Variants in ANKS1B observed in about 807,000 individuals in gnomAD.
The protein encoded by ANKS1B is ankyrin repeat and sterile alpha motif domain-containing protein 1B.
A neutral mutation model predicts 148.3 loss-of-function variants in ANKS1B; 36 were observed. The ratio of observed to expected loss-of-function variants is 0.24; its 90% CI spans 0.19 to 0.32. The LOEUF (loss-of-function observed/expected upper bound fraction) is 0.32, where lower values mean the gene tolerates loss of function less well. Among genes scored for constraint, ANKS1B ranks in the 10% least tolerant of loss-of-function variants. The pLI is 1.00. For synonymous variants in ANKS1B, 542 were observed against 560.8 expected (o/e 0.97, Z 0.47); for missense variants, 1,157 against 1,542.6 (o/e 0.75, Z 4.19).
chr12:98,895,436 G>A (rs2099762960), intron 17 of ANKS1B: 1 of 421,098 alleles, frequency 2.4e-6, no homozygotes, highest in Non-Finnish European at 3.2e-6. Flanking sequence ...CTGTTACTGC[G>A]GTCGCCGCCG....
chr12:99,443,302 A>G (rs2095581089), intron 11 of ANKS1B, among the ~76,000 whole-genome samples: 1 of 152,000 alleles, frequency 6.6e-6, no homozygotes, highest in East Asian at 1.9e-4. Flanking sequence ...ATAATCACAA[A>G]CCATGCAGCA....
chr12:99,381,637 CCTAA>C lies in ANKS1B; in HGVS notation c.1756+17990_1756+17993del, dbSNP rs1433157265. ...ATTTAGGAAAAGGCAGTTGTGGTGACCTAACTGAGACTTCAGTGCAAGAGTGGAG... is the reference window on the plus strand; with the variant it reads ...ATTTAGGAAAAGGCAGTTGTGGTGACCTGAGACTTCAGTGCAAGAGTGGAG... On this transcript the variant is annotated intron_variant, in intron 12 of 26. Coordinates refer to ENST00000683438, the MANE Select transcript of ANKS1B (RefSeq NM_001352186.2). Among the ~76,000 whole-genome samples the C allele has an allele frequency of 3.3e-5, 5 of 152,194 alleles. No individual in the cohort carries two copies. In the East Asian group the frequency reaches 9.7e-4, roughly 29 times the overall value.
chr12:98,904,895 T>C (rs1270220857), intron 17 of ANKS1B, among the ~76,000 whole-genome samples: 1 of 151,966 alleles, frequency 6.6e-6, no homozygotes, highest in Non-Finnish European at 1.5e-5. Context: ...ACTGTGGAGG[T>C]CTGCAAAGTT....
intron 1 of ANKS1B, among the ~76,000 whole-genome samples, chr12:99,827,258 A>G (rs1362801644): frequency 6.6e-6 from 1 of 152,192 alleles, no homozygotes; most frequent in East Asian, 1.9e-4. Context: ...TATGACATGA[A>G]TGACCCGGGA....
At chr12:99,435,431 A>G (rs888107362) in intron 11 of ANKS1B, among the ~76,000 whole-genome samples, 1 of 152,108 alleles carries the variant, frequency 6.6e-6, no homozygotes, top group African/African-American at 2.4e-5. Flanking sequence ...TCTAAAATCC[A>G]CAGTTGCCAT....
intron 1 of ANKS1B, among the ~76,000 whole-genome samples, chr12:99,914,387 T>C (rs1311872686): frequency 3.3e-5 from 5 of 152,176 alleles, no homozygotes; most frequent in Non-Finnish European, 7.3e-5. Context: ...CAAGCTTATA[T>C]AATAGCTCTA....
intron 9 of ANKS1B, among the ~76,000 whole-genome samples, chr12:99,598,634 C>T (rs1368204115): frequency 6.6e-6 from 1 of 151,974 alleles, no homozygotes; most frequent in Admixed American, 6.6e-5. Flanking sequence ...GACAGAGGGC[C>T]GACTTGCCAG....
chr12:99,148,715 C>T (rs2073991898), intron 15 of ANKS1B, among the ~76,000 whole-genome samples: 2 of 152,158 alleles, frequency 1.3e-5, no homozygotes, highest in South Asian at 4.1e-4. Flanking sequence ...TTGGTTCTAT[C>T]TCACACCACT....
intron 12 of ANKS1B, among the ~76,000 whole-genome samples, chr12:99,298,342 T>C (rs1259954278): frequency 6.6e-6 from 1 of 152,302 alleles, no homozygotes; most frequent in South Asian, 2.1e-4. Context: ...CATACTGTTC[T>C]CATAGTAGTG....
chr12:98,903,474 G>A (rs550209232), intron 17 of ANKS1B, among the ~76,000 whole-genome samples: 142 of 152,302 alleles, frequency 9.3e-4, no homozygotes, highest in African/African-American at 3.3e-3. Flanking sequence ...TTCTGATGAT[G>A]AGCTTGGTAT....
At chr12:99,301,589 A>C (rs2081619116) in intron 12 of ANKS1B, among the ~76,000 whole-genome samples, 1 of 152,190 alleles carries the variant, frequency 6.6e-6, no homozygotes, top group African/African-American at 2.4e-5. Flanking sequence ...TATTAAATGT[A>C]CATAATAGAT....
At chr12:99,706,180 C>G (rs1457412869) in intron 8 of ANKS1B, among the ~76,000 whole-genome samples, 1 of 151,762 alleles carries the variant, frequency 6.6e-6, no homozygotes. Context: ...TGCCATATTC[C>G]ATAGTGGGAT....
At chr12:99,258,817 T>A (rs1318216052) in intron 12 of ANKS1B, among the ~76,000 whole-genome samples, 2 of 152,106 alleles carry the variant, frequency 1.3e-5, no homozygotes, top group African/African-American at 4.8e-5. Flanking sequence ...TGTAAAAAAA[T>A]CAATTATAGT....
intron 17 of ANKS1B, among the ~76,000 whole-genome samples, chr12:99,039,712 T>G (rs989996535): frequency 6.6e-6 from 1 of 152,250 alleles, no homozygotes; most frequent in African/African-American, 2.4e-5. Context: ...TATTATACTT[T>G]AAGTTTTAGG....
At chr12:99,505,644 G>GCA (rs2096703923) in intron 9 of ANKS1B, among the ~76,000 whole-genome samples, 1 of 147,230 alleles carries the variant, frequency 6.8e-6, no homozygotes, top group African/African-American at 2.5e-5. Context: ...ATATATATAT[G>GCA]TATATATATA....
intron 17 of ANKS1B, among the ~76,000 whole-genome samples, chr12:98,928,557 A>G (rs975375218): frequency 2.0e-5 from 3 of 152,092 alleles, no homozygotes; most frequent in Admixed American, 1.3e-4. Context: ...ATCTGAATCC[A>G]GAAACATATT....
chr12:99,348,928 CTCT>C (rs976646298), intron 12 of ANKS1B, among the ~76,000 whole-genome samples: 1 of 151,898 alleles, frequency 6.6e-6, no homozygotes, highest in Non-Finnish European at 1.5e-5. Context: ...TTTGTAACTC[CTCT>C]TCTTTTTCCT....
chr12:99,156,032 C>A (rs2076010749), intron 14 of ANKS1B, among the ~76,000 whole-genome samples: 1 of 152,142 alleles, frequency 6.6e-6, no homozygotes, highest in East Asian at 1.9e-4. Flanking sequence ...ATAGTAAGTG[C>A]CTAATACAAA....
chr12:99,331,960 G>C (rs77902782), intron 12 of ANKS1B, among the ~76,000 whole-genome samples: 2,548 of 152,074 alleles, frequency 0.017, 68 homozygotes, highest in East Asian at 0.084. Flanking sequence ...TTAAATATCA[G>C]TCCCTAACAC....
Sources: gnomAD v4.1 joint callset for allele counts (sites outside exome capture counted in the v4.1 genomes callset) on GRCh38, gnomAD v4.1.1 for gene constraint, MANE v1.5 for transcripts, NCBI Gene and HGNC (gene_info 2026-07-23, HGNC 2026-07-21) for gene names.